Variants in EVI5 observed in about 807,000 individuals in gnomAD.
EVI5 encodes ecotropic viral integration site 5.
Under a neutral mutation model 112.0 loss-of-function variants are expected in EVI5, and 73 were observed. That is an observed-to-expected ratio of 0.65 (90% CI 0.54 to 0.79). EVI5 has a LOEUF of 0.79. Ranked by LOEUF, EVI5 falls within the 30% of genes least tolerant of loss-of-function variation. The pLI, the probability that EVI5 is intolerant of heterozygous loss-of-function variation, is 0.00. For missense variants in EVI5, 900 were observed against 968.8 expected (o/e 0.93, Z 0.94); for synonymous variants, 305 against 319.9 (o/e 0.95, Z 0.50).
chr1:92,529,009 AACTGCCATTCATTCTTCC>A (rs1200129901), intron 19 of EVI5, among the ~76,000 whole-genome samples: 1 of 152,206 alleles, frequency 6.6e-6, no homozygotes, highest in Admixed American at 6.5e-5. Flanking sequence ...AAAGACATGC[AACTGCCATTCATTCTTCC>A]ACTAGCATAC....
At chr1:92,631,550 A>G (rs1657109391) in intron 14 of EVI5, among the ~76,000 whole-genome samples, 1 of 152,184 alleles carries the variant, frequency 6.6e-6, no homozygotes, top group Admixed American at 6.5e-5. Context: ...GACTTTGCTG[A>G]AGTTGCTTAT....
chr1:92,642,010 A>T (rs1660075753), intron 13 of EVI5, among the ~76,000 whole-genome samples: 1 of 152,106 alleles, frequency 6.6e-6, no homozygotes, highest in African/African-American at 2.4e-5. Flanking sequence ...ATGTACCTGT[A>T]GTCCCAGCTA....
At chr1:92,665,834 T>C in intron 11 of EVI5, 105 bp downstream of exon 11, 4 of 731,836 alleles carry the variant, frequency 5.5e-6, no homozygotes, top group Non-Finnish European at 9.2e-6. Flanking sequence ...CAGTCAATAC[T>C]ACAACATAGG....
chr1:92,768,142 A>G (rs1329641242), intron 1 of EVI5, among the ~76,000 whole-genome samples: 4 of 29,606 alleles, frequency 1.4e-4, no homozygotes, highest in Non-Finnish European at 2.2e-4. Flanking sequence ...TTTCAAATAT[A>G]ACAGGAAAAA....
At chr1:92,676,087 G>A (rs1453540464) in intron 10 of EVI5, among the ~76,000 whole-genome samples, 1 of 151,088 alleles carries the variant, frequency 6.6e-6, no homozygotes, top group African/African-American at 2.4e-5. Context: ...AAAAAATGTG[G>A]AAGTATCTAC....
intron 18 of EVI5, among the ~76,000 whole-genome samples, chr1:92,568,970 T>C (rs897673961): frequency 6.6e-6 from 1 of 152,208 alleles, no homozygotes; most frequent in African/African-American, 2.4e-5. Flanking sequence ...AAGTTATACA[T>C]AGATTTTCCA....
At chr1:92,695,934 C>CT (rs1199108717) in intron 6 of EVI5, among the ~76,000 whole-genome samples, 3,565 of 144,330 alleles carry the variant, frequency 0.025, 159 homozygotes, top group African/African-American at 0.082. Context: ...ATAAATGAGA[C>CT]TTTTTTTTTT....
intron 13 of EVI5, among the ~76,000 whole-genome samples, chr1:92,641,093 T>G (rs1434015108): frequency 6.6e-6 from 1 of 151,890 alleles, no homozygotes; most frequent in East Asian, 1.9e-4. Flanking sequence ...AGAGGGAACT[T>G]AGAGGATGAG....
intron 18 of EVI5, among the ~76,000 whole-genome samples, chr1:92,599,576 T>A (rs1044176017): frequency 1.3e-5 from 2 of 152,106 alleles, no homozygotes; most frequent in Admixed American, 1.3e-4. Flanking sequence ...ATTGAAACCT[T>A]AAGACATCTA....
chr1:92,590,631 G>A (rs955757041), intron 18 of EVI5, among the ~76,000 whole-genome samples: 27 of 152,192 alleles, frequency 1.8e-4, no homozygotes, highest in African/African-American at 6.3e-4. Flanking sequence ...CCAAATCTAC[G>A]TCTAATTGGT....
chr1:92,771,608 C>CT (rs10541210), intron 1 of EVI5, among the ~76,000 whole-genome samples: 14 of 139,976 alleles, frequency 1.0e-4, no homozygotes, highest in South Asian at 4.5e-4. Context: ...ATTTTCTTTT[C>CT]TTTTTTTTTT....
intron 5 of EVI5, among the ~76,000 whole-genome samples, chr1:92,701,329 A>G (rs1380484792): frequency 6.6e-6 from 1 of 152,176 alleles, no homozygotes; most frequent in Non-Finnish European, 1.5e-5. Context: ...TTCTACATAC[A>G]TTACCTCAAA....
intron 9 of EVI5, among the ~76,000 whole-genome samples, chr1:92,685,592 C>CA (rs754455543): frequency 3.9e-5 from 6 of 152,008 alleles, no homozygotes; most frequent in Admixed American, 3.9e-4. Flanking sequence ...AAAATCCCTT[C>CA]AAAAAATCAA....
intron 9 of EVI5, among the ~76,000 whole-genome samples, chr1:92,685,458 C>G (rs1668354741): frequency 1.3e-5 from 2 of 152,102 alleles, no homozygotes; most frequent in Admixed American, 1.3e-4. Context: ...CAGAAAAGAT[C>G]TAAAATTGAC....
At chr1:92,744,738 C>T (rs950230148) in intron 1 of EVI5, among the ~76,000 whole-genome samples, 2 of 151,878 alleles carry the variant, frequency 1.3e-5, no homozygotes, top group African/African-American at 2.4e-5. Context: ...GAAAATACAA[C>T]TTTGCATTTA....
upstream of EVI5, among the ~76,000 whole-genome samples, chr1:92,785,529 TAATC>T (rs1685541505): frequency 6.6e-6 from 1 of 152,136 alleles, no homozygotes; most frequent in African/African-American, 2.4e-5. Flanking sequence ...GCAAAAACAA[TAATC>T]AACGCGTAAA....
intron 13 of EVI5, among the ~76,000 whole-genome samples, chr1:92,657,529 G>T (rs1663214171): frequency 6.6e-6 from 1 of 152,006 alleles, no homozygotes; most frequent in African/African-American, 2.4e-5. Context: ...GAGGTATGGT[G>T]GTGTGTGCTT....
intron 18 of EVI5, among the ~76,000 whole-genome samples, chr1:92,572,525 A>G (rs1293218250): frequency 7.9e-5 from 12 of 152,156 alleles, no homozygotes; most frequent in Admixed American, 7.2e-4. Context: ...ATGAAAAGAT[A>G]TAAGTCCCCC....
At chr1:92,525,472 T>G (rs1009579290) in intron 19 of EVI5, among the ~76,000 whole-genome samples, 1 of 152,074 alleles carries the variant, frequency 6.6e-6, no homozygotes. Flanking sequence ...TTTTGCCATA[T>G]TGGCTAGGCT....
Sources: gnomAD v4.1 joint callset for allele counts (sites outside exome capture counted in the v4.1 genomes callset) on GRCh38, gnomAD v4.1.1 for gene constraint, MANE v1.5 for transcripts, NCBI Gene and HGNC (gene_info 2026-07-23, HGNC 2026-07-21) for gene names.